The following RUBCN variants were observed in gnomAD, a reference collection of about 807,000 sequenced individuals.
RUBCN encodes the protein rubicon autophagy regulator.
RUBCN carries 74 observed loss-of-function variants against 113.2 expected under a neutral mutation model. The observed-to-expected ratio is 0.65, with a 90% confidence interval of 0.54 to 0.79. The LOEUF (loss-of-function observed/expected upper bound fraction) is 0.79, where lower values mean the gene tolerates loss of function less well. Among genes scored for constraint, RUBCN ranks in the 30% least tolerant of loss-of-function variants. The probability of loss-of-function intolerance (pLI) is 0.00; values close to 1 mark genes in which losing one functional copy is unlikely to be tolerated. For missense variants in RUBCN, 1,109 were observed against 1,251.7 expected (o/e 0.89, Z 1.72); for synonymous variants, 480 against 490.0 (o/e 0.98, Z 0.27).
At chr3:197,734,781 C>A (rs1553904666) in intron 1 of RUBCN, among the ~76,000 whole-genome samples, 1 of 152,182 alleles carries the variant, frequency 6.6e-6, no homozygotes, top group Non-Finnish European at 1.5e-5. Flanking sequence ...TCACAGACAT[C>A]TGCAGGAAGA....
chr3:197,693,992 A>T, intron 10 of RUBCN, 176 bp from the exon 11 acceptor site: 1 of 610,626 alleles, frequency 1.6e-6, no homozygotes, highest in Non-Finnish European at 2.9e-6. Context: ...ATCTGGGAGC[A>T]GTGTTCTTAG....
At chr3:197,699,108 C>T in intron 7 of RUBCN, 2 of 1,012,430 alleles carry the variant, frequency 2.0e-6, no homozygotes, top group Non-Finnish European at 3.1e-6. Flanking sequence ...TGATTTGACA[C>T]CAGACTGAAG....
intron 1 of RUBCN, among the ~76,000 whole-genome samples, chr3:197,718,888 A>G (rs1032064568): frequency 2.6e-5 from 4 of 152,224 alleles, no homozygotes; most frequent in African/African-American, 9.6e-5. Context: ...CAGCATCGTG[A>G]AGGACAGAAA....
intron 1 of RUBCN, among the ~76,000 whole-genome samples, chr3:197,741,964 C>A (rs1173459330): frequency 6.6e-6 from 1 of 151,492 alleles, no homozygotes; most frequent in African/African-American, 2.4e-5. Context: ...GTGGCGCAAT[C>A]TTGGCTCACT....
In RUBCN at chr3:197,670,791, G is replaced by T. The variant is rs1719713685; in HGVS notation, c.*4227C>A. 6.6e-6 allele frequency among the ~76,000 whole-genome samples: 1 copy of T among 152,210 alleles called. No homozygotes were observed. The highest frequency in any genetic ancestry group is 1.5e-5 in the Non-Finnish European group (1 of 68,046). ...TGGTTTAGTCCCTGGCAAGGAAAGA[G>T]CTGGCAGTTTAATAATAAAGTGACT... On this transcript the variant is annotated 3_prime_UTR_variant, in exon 20 of 20. Coordinates refer to ENST00000296343, the MANE Select transcript of RUBCN (RefSeq NM_014687.4).
chr3:197,709,283 T>C lies in RUBCN; in HGVS notation c.220-4108A>G, dbSNP rs186847092. ...ACAGAGTAAATAAAAGAACAAATGT[T>C]TGCATGTTGAGGGAAAAACCACCAC... On this transcript the variant is annotated intron_variant, in intron 2 of 19. Coordinates refer to ENST00000296343, the MANE Select transcript of RUBCN (RefSeq NM_014687.4). Among the ~76,000 whole-genome samples the C allele has an allele frequency of 1.8e-4, 27 of 152,266 alleles. No individual in the cohort carries two copies. In the East Asian group the frequency reaches 3.7e-3, roughly 21 times the overall value.
chr3:197,682,215 C>T (rs2108851477), intron 14 of RUBCN, among the ~76,000 whole-genome samples: 1 of 152,260 alleles, frequency 6.6e-6, no homozygotes, highest in South Asian at 2.1e-4. Context: ...AACCAGCAAG[C>T]CCACACAACT....
Position 197,675,383 on chromosome 3 carries a change from G to A in RUBCN, c.2740+39C>T, listed in dbSNP as rs199740954. On this transcript the variant is annotated intron_variant, in intron 19 of 19. Coordinates refer to ENST00000296343, the MANE Select transcript of RUBCN (RefSeq NM_014687.4). This position sits in a 1 kb window ranked among gnomAD's most constrained non-coding sequence, Gnocchi z 4.4. Reference sequence around the variant, plus strand: ...GCTCTGGGGAATCAAGGAGCCCTGTGTTCAGGCTCACTTGCCCGATGCCTG... The same window carrying A: ...GCTCTGGGGAATCAAGGAGCCCTGTATTCAGGCTCACTTGCCCGATGCCTG... The A allele has an allele frequency of 2.0e-3, 3,165 of 1,570,434 alleles. 9 individuals carry two copies. The highest frequency in any genetic ancestry group is 2.6e-3 in the Non-Finnish European group (2,952 of 1,141,608).
chr3:197,681,032 A>T lies in RUBCN; in HGVS notation c.2430+97T>A. ...GGAGGGGATGGGGGGAGGGGACAAG[A>T]GGAGGGGATGGGGGGAGGGGACGGG... On this transcript the variant is annotated intron_variant, in intron 16 of 19. Transcript: ENST00000296343. This position sits in a 1 kb window ranked among gnomAD's most constrained non-coding sequence, Gnocchi z 5.5. 1.9e-6 allele frequency: 1 copy of T among 524,366 alleles called. No individual in the cohort carries two copies. The highest frequency in any genetic ancestry group is 3.4e-6 in the Non-Finnish European group (1 of 292,876). 32.5% of individuals were successfully genotyped at this position (524,366 alleles called of 1,614,324 possible).
At chr3:197,708,429 C>A (rs1724567693) in intron 2 of RUBCN, among the ~76,000 whole-genome samples, 1 of 152,054 alleles carries the variant, frequency 6.6e-6, no homozygotes, top group South Asian at 2.1e-4. Flanking sequence ...AGCCACCACA[C>A]CCGGCCTATA....
upstream of RUBCN, among the ~76,000 whole-genome samples, chr3:197,740,258 G>A (rs1580419296): frequency 6.7e-6 from 1 of 148,256 alleles, no homozygotes; most frequent in Non-Finnish European, 1.5e-5. Flanking sequence ...CTTTTGAGAT[G>A]GAGTCTCGCT....
intron 1 of RUBCN, among the ~76,000 whole-genome samples, chr3:197,725,072 A>G (rs1475968893): frequency 1.3e-5 from 2 of 152,188 alleles, no homozygotes; most frequent in East Asian, 1.9e-4. Flanking sequence ...TGAACAAACC[A>G]GAAGCTGGAA....
intron 2 of RUBCN, among the ~76,000 whole-genome samples, chr3:197,705,530 A>C (rs1397182687): frequency 6.9e-6 from 1 of 145,336 alleles, no homozygotes; most frequent in Non-Finnish European, 1.5e-5. Flanking sequence ...GTGCCACTGC[A>C]CTCCTGCCCA....
At chr3:197,693,960 G>A in intron 10 of RUBCN, 144 bp from the exon 11 acceptor site, 1 of 660,162 alleles carries the variant, frequency 1.5e-6, no homozygotes, top group Non-Finnish European at 2.7e-6. Flanking sequence ...GTAAATAGAA[G>A]GTACTACTAT....
rs779133656 is a variant in RUBCN at position 197,681,146 on chromosome 3, G to A, written c.2413C>T (p.Leu805=). 5.6e-6 allele frequency: 9 copies of A among 1,613,282 alleles called. No homozygotes were observed. In the South Asian group the frequency reaches 8.8e-5, roughly 16 times the overall value. Residue 805 remains leucine (L), a synonymous_variant, in exon 16 of 20, where the codon CTG becomes TTG. Coordinates refer to ENST00000296343, the MANE Select transcript of RUBCN (RefSeq NM_014687.4). This position sits in a 1 kb window ranked among gnomAD's most constrained non-coding sequence, Gnocchi z 5.5. ...GGTCTTACCCGGACTTGATTGAGCAGCTTGACCTTCCTATAGAGGGCACTG... is the reference window on the plus strand; with the variant it reads ...GGTCTTACCCGGACTTGATTGAGCAACTTGACCTTCCTATAGAGGGCACTG... ...INSALYRKVK[L]LNQVRLLRVQ...
upstream of RUBCN, among the ~76,000 whole-genome samples, chr3:197,739,357 C>G (rs984193244): frequency 2.0e-5 from 3 of 147,662 alleles, no homozygotes; most frequent in Non-Finnish European, 4.5e-5. Context: ...TGCTACTGCA[C>G]TCCAGCCTGG....
chr3:197,676,382 C>T lies in RUBCN; in HGVS notation c.2646+503G>A, dbSNP rs187587416. ...AGGCTGGAGTGCAGTGGCATGATCT[C>T]GGCTCACTGCAACCTCCGCCTCCTG... On this transcript the variant is annotated intron_variant, in intron 18 of 19. Transcript: ENST00000296343. The T allele has an allele frequency of 7.9e-4, 742 of 938,718 alleles. 4 individuals are homozygous for T. In the African/African-American group the frequency reaches 0.012, roughly 15 times the overall value. The allele number at this position is 938,718 out of a possible 1,614,324, so 58.1% of individuals were successfully genotyped here. A position where few individuals can be genotyped will look rare whatever the true frequency, so the allele number is the denominator to read the frequency against.
intron 1 of RUBCN, chr3:197,748,061 A>T (rs1289015081): frequency 6.6e-6 from 1 of 151,968 alleles, no homozygotes; most frequent in African/African-American, 2.4e-5. Context: ...CCTCCCAAGT[A>T]GCTGAGATTA....
rs529159273 is a variant in RUBCN, at chr3:197,691,267, G to A, written c.1786+2448C>T. The A allele has an allele frequency of 1.7e-4, 88 of 509,536 alleles. 2 individuals are homozygous for A. Among genetic ancestry groups the A allele is most frequent in the South Asian group, 1.3e-3 (78 of 61,770 alleles). The allele number at this position is 509,536 out of a possible 1,614,324, so 31.6% of individuals were successfully genotyped here. On this transcript the variant is annotated intron_variant, in intron 11 of 19. Transcript: ENST00000296343. ...CATTTGCTCCCAAACATGAAATGGC[G>A]TTTAGGAACTTGCATCCTTGGGTAG...
Sources: gnomAD v4.1 joint callset for allele counts (sites outside exome capture counted in the v4.1 genomes callset) on GRCh38, gnomAD v4.1.1 for gene constraint, Gnocchi (gnomAD v3.1) non-coding constraint, MANE v1.5 for transcripts, NCBI Gene and HGNC (gene_info 2026-07-23, HGNC 2026-07-21) for gene names.